CCDC57: variants seen among roughly 807,000 people sequenced by gnomAD.
The protein encoded by CCDC57 is coiled-coil domain-containing protein 57.
A neutral mutation model predicts 118.9 loss-of-function variants in CCDC57; 118 were observed. That is an observed-to-expected ratio of 0.99 (90% CI 0.86 to 1.16). The LOEUF (loss-of-function observed/expected upper bound fraction) is 1.16. CCDC57 is among the 50% of genes most tolerant of loss of function. The pLI is 0.00. For missense variants in CCDC57, 1,300 were observed against 1,320.7 expected (o/e 0.98, Z 0.24); for synonymous variants, 527 against 532.9 (o/e 0.99, Z 0.15).
At chr17:82,150,763 A>T (rs1354815518) in intron 16 of CCDC57, among the ~76,000 whole-genome samples, 6 of 84,136 alleles carry the variant, frequency 7.1e-5, no homozygotes, top group South Asian at 1.1e-3. Flanking sequence ...ACCCAGAACC[A>T]GGCGCACACT....
chr17:82,126,554 G>T, intron 19 of CCDC57: 1 of 985,114 alleles, frequency 1.0e-6, no homozygotes, highest in Non-Finnish European at 1.2e-6. Context: ...ACACGAAGAT[G>T]CACGACCTCC....
At chr17:82,126,545 C>G (rs1427089400) in intron 19 of CCDC57, 35 of 985,176 alleles carry the variant, frequency 3.6e-5, no homozygotes, top group Non-Finnish European at 4.0e-5. Context: ...CCTAAACACA[C>G]ACGAAGATGC....
intron 19 of CCDC57, among the ~76,000 whole-genome samples, chr17:82,102,393 G>A (rs2034512274): frequency 6.6e-6 from 1 of 152,260 alleles, no homozygotes; most frequent in Non-Finnish European, 1.5e-5. Context: ...ACAGGCCAAG[G>A]GCCCAGGAGT....
At chr17:82,127,907 G>T in exon 19 of CCDC57, 6 of 1,611,742 alleles carry the variant, frequency 3.7e-6, no homozygotes, top group Non-Finnish European at 4.2e-6. Flanking sequence ...GCTGTGTTGT[G>T]TCTAGAAAAG....
At chr17:82,171,724 A>G in exon 13 of CCDC57, 1 of 1,613,088 alleles carries the variant, frequency 6.2e-7, no homozygotes, top group Non-Finnish European at 8.5e-7. Flanking sequence ...CGAGGTGCGG[A>G]CGCTGGGCTG....
In CCDC57 at chr17:82,131,074, A is replaced by G. The variant is rs369194665; in HGVS notation, c.2578-2477T>C. On this transcript the variant is annotated intron_variant, in intron 17 of 19. Coordinates refer to ENST00000665763, the Ensembl canonical transcript of CCDC57. ...GTGATCCACCCGTCTCGGCCTCCCA[A>G]AGTGCTGGGATTACAGGCATGAGCC... Among the ~76,000 whole-genome samples the G allele has an allele frequency of 2.7e-5, 4 of 150,372 alleles. No individual in the cohort carries two copies. In the East Asian group the frequency reaches 6.1e-4, roughly 23 times the overall value.
chr17:82,171,618 T>C, intron 13 of CCDC57, 83 bp downstream of exon 12: 1 of 1,456,306 alleles, frequency 6.9e-7, no homozygotes, highest in South Asian at 1.2e-5. Flanking sequence ...TTGAGCTGTA[T>C]ATTTGCTATG....
intron 3 of CCDC57, among the ~76,000 whole-genome samples, chr17:82,200,322 G>A (rs1325188912): frequency 6.6e-6 from 1 of 152,208 alleles, no homozygotes; most frequent in African/African-American, 2.4e-5. Flanking sequence ...AGTGCTGGAC[G>A]CACATTTCGG....
At chr17:82,197,654 C>A (rs1479976262) in intron 4 of CCDC57, among the ~76,000 whole-genome samples, 1 of 152,112 alleles carries the variant, frequency 6.6e-6, no homozygotes, top group Non-Finnish European at 1.5e-5. Flanking sequence ...TACGGGCTGC[C>A]CGGATAGCTG....
At chr17:82,205,945 G>A (rs2049575690) in intron 2 of CCDC57, among the ~76,000 whole-genome samples, 1 of 152,208 alleles carries the variant, frequency 6.6e-6, no homozygotes, top group Non-Finnish European at 1.5e-5. Context: ...ATCCCATCTC[G>A]GGATGATCCC....
chr17:82,204,785 G>GA (rs1055108758), intron 2 of CCDC57, among the ~76,000 whole-genome samples: 122 of 147,722 alleles, frequency 8.3e-4, no homozygotes, highest in African/African-American at 2.5e-3. Context: ...TCCATCTCAA[G>GA]AAAAAAAAAA....
chr17:82,193,554 A>G lies in CCDC57; in HGVS notation c.851+202T>C, dbSNP rs572356672. 3.9e-5 allele frequency among the ~76,000 whole-genome samples: 6 copies of G among 152,084 alleles called. No individual in the cohort carries two copies. The South Asian group carries it at 1.2e-3, about 32-fold the overall frequency. On this transcript the variant is annotated intron_variant, in intron 7 of 19. Coordinates refer to ENST00000665763, the Ensembl canonical transcript of CCDC57. ...AGCAAGACCCTGTCAAAAAAAAAAA[A>G]GCAAGCAAGAAAGCAAGAAAGCAAG...
At position 82,129,804 on chromosome 17, in the gene CCDC57, A is replaced by T. The variant is rs2038054398; in HGVS notation, c.2578-1207T>A. On this transcript the variant is annotated intron_variant, in intron 17 of 19. Coordinates refer to ENST00000665763, the Ensembl canonical transcript of CCDC57. ...CCCCTTGGGAGGCTGAGGCAGGAGGATCACTGGAGCCCAGAGTTCTAGGTT... is the reference window on the plus strand; with the variant it reads ...CCCCTTGGGAGGCTGAGGCAGGAGGTTCACTGGAGCCCAGAGTTCTAGGTT... Among the ~76,000 whole-genome samples, 3 of 152,212 alleles carry T rather than the reference A, an allele frequency of 2.0e-5. No individual in the cohort carries two copies. In the East Asian group the frequency reaches 5.8e-4, roughly 29 times the overall value.
exon 7 of CCDC57, chr17:82,193,789 G>T: frequency 6.2e-7 from 1 of 1,601,804 alleles, no homozygotes; most frequent in Non-Finnish European, 8.5e-7. Context: ...CTTCTTCCTG[G>T]TTAGCTGCAC....
chr17:82,163,016 C>T (rs958010596), intron 14 of CCDC57, among the ~76,000 whole-genome samples, 184 bp downstream of exon 13: 36 of 152,350 alleles, frequency 2.4e-4, no homozygotes, highest in Admixed American at 7.2e-4. Flanking sequence ...TCCACGAGCA[C>T]ACCTGAGATG....
chr17:82,189,232 C>T (rs977251990), intron 7 of CCDC57, among the ~76,000 whole-genome samples: 3 of 152,098 alleles, frequency 2.0e-5, no homozygotes, highest in African/African-American at 7.2e-5. Context: ...GGTGCCACTG[C>T]ACTCCAGCCT....
At chr17:82,104,530 GTTTT>G (rs1012162236) in intron 19 of CCDC57, among the ~76,000 whole-genome samples, 15 of 152,170 alleles carry the variant, frequency 9.9e-5, no homozygotes, top group Non-Finnish European at 2.1e-4. Context: ...TACTTGGAGG[GTTTT>G]TTAAATTTTT....
Position 82,130,470 on chromosome 17 carries a change from C to T in CCDC57, c.2578-1873G>A, listed in dbSNP as rs180719678. Reference sequence around the variant, plus strand: ...TTGGCCCCAAAAAGTGCTGGGATTACAGGCGTGAGCCACCACACCCAGACA... The same window carrying T: ...TTGGCCCCAAAAAGTGCTGGGATTATAGGCGTGAGCCACCACACCCAGACA... On this transcript the variant is annotated intron_variant, in intron 17 of 19. Coordinates refer to ENST00000665763, the Ensembl canonical transcript of CCDC57. 8.5e-3 allele frequency among the ~76,000 whole-genome samples: 1,229 copies of T among 144,346 alleles called. 18 individuals are homozygous for T. Among genetic ancestry groups the T allele is most frequent in the African/African-American group, 0.031 (1,195 of 38,798 alleles). The allele number at this position is 144,346 out of a possible 152,430, so 94.7% of individuals were successfully genotyped here.
rs188829365 is a variant in CCDC57, at chr17:82,165,398, G to A, written c.1883-2041C>T. 7.9e-5 allele frequency among the ~76,000 whole-genome samples: 12 copies of A among 152,134 alleles called. No individual in the cohort carries two copies. In the East Asian group the frequency reaches 1.2e-3, roughly 15 times the overall value. ...TGAAGGCTGAGTGTCTAGGGGCCTCGGATCCCAGGGGTGGCTGGCAAGGAG... is the reference window on the plus strand; with the variant it reads ...TGAAGGCTGAGTGTCTAGGGGCCTCAGATCCCAGGGGTGGCTGGCAAGGAG... On this transcript the variant is annotated intron_variant, in intron 13 of 19. Coordinates refer to ENST00000665763, the Ensembl canonical transcript of CCDC57.
Sources: allele counts gnomAD v4.1 joint callset (sites outside exome capture counted in the v4.1 genomes callset), GRCh38; gene constraint gnomAD v4.1.1; transcripts MANE v1.5; gene names NCBI Gene and HGNC (gene_info 2026-07-23, HGNC 2026-07-21).